Variants in MAGI1 observed in about 807,000 individuals in gnomAD.
The protein encoded by MAGI1 is membrane-associated guanylate kinase, WW and PDZ domain-containing protein 1.
MAGI1 carries 58 observed loss-of-function variants against 139.9 expected under a neutral mutation model. That is an observed-to-expected ratio of 0.41 (90% CI 0.34 to 0.52). The LOEUF (loss-of-function observed/expected upper bound fraction) is 0.52. MAGI1 is among the 20% of genes least tolerant of loss of function. The probability of loss-of-function intolerance (pLI) is 0.12; values close to 1 mark genes in which losing one functional copy is unlikely to be tolerated. For missense variants in MAGI1, 1,874 were observed against 1,901.6 expected (o/e 0.99, Z 0.27); for synonymous variants, 812 against 737.9 (o/e 1.10, Z -1.63).
intron 1 of MAGI1, among the ~76,000 whole-genome samples, chr3:65,993,649 C>T (rs1252640437): frequency 6.6e-6 from 1 of 152,180 alleles, no homozygotes; most frequent in East Asian, 1.9e-4. Flanking sequence ...TGATCACAAG[C>T]CTGTGAGTTA....
At chr3:65,375,966 A>G (rs949360112) in intron 17 of MAGI1, 21 bp from the exon 18 acceptor site, 1 of 1,595,770 alleles carries the variant, frequency 6.3e-7, no homozygotes, top group Admixed American at 1.7e-5. Context: ...ATTGAGTTTT[A>G]ATTTTTTTAA....
intron 1 of MAGI1, among the ~76,000 whole-genome samples, chr3:65,715,066 A>G (rs2032058316): frequency 6.6e-6 from 1 of 152,098 alleles, no homozygotes; most frequent in African/African-American, 2.4e-5. Context: ...GAATCATACA[A>G]AAAAAGAAGG....
chr3:65,742,103 G>A (rs1302735049), intron 1 of MAGI1, among the ~76,000 whole-genome samples: 1 of 152,234 alleles, frequency 6.6e-6, no homozygotes, highest in African/African-American at 2.4e-5. Flanking sequence ...ATATCAAAAT[G>A]CTTAGAATTC....
At chr3:65,993,647 A>G (rs963166665) in intron 1 of MAGI1, among the ~76,000 whole-genome samples, 5 of 152,186 alleles carry the variant, frequency 3.3e-5, no homozygotes, top group Admixed American at 3.3e-4. Context: ...CTTGATCACA[A>G]GCCTGTGAGT....
intron 1 of MAGI1, among the ~76,000 whole-genome samples, chr3:65,668,087 G>T (rs1170991810): frequency 6.6e-6 from 1 of 152,130 alleles, no homozygotes; most frequent in Non-Finnish European, 1.5e-5. Context: ...GGCTGCTTAG[G>T]TTCTCATCCT....
At chr3:65,978,417 C>T (rs2107243915) in intron 1 of MAGI1, among the ~76,000 whole-genome samples, 1 of 152,204 alleles carries the variant, frequency 6.6e-6, no homozygotes, top group East Asian at 1.9e-4. Flanking sequence ...TGCTGAATCT[C>T]CAGGAGCCTA....
chr3:65,620,434 G>C, intron 2 of MAGI1, among the ~76,000 whole-genome samples: 1 of 152,150 alleles, frequency 6.6e-6, no homozygotes, highest in Admixed American at 6.5e-5. Context: ...AGGAATGCCT[G>C]ACAGTGCAGA....
intron 7 of MAGI1, 54 bp from the exon 8 acceptor site, chr3:65,442,903 G>A: frequency 7.1e-7 from 1 of 1,414,226 alleles, no homozygotes; most frequent in Non-Finnish European, 1.0e-6. Context: ...GAAGAGCCTG[G>A]GTGTTTTCAA....
chr3:65,364,250 A>G (rs1484601928), intron 20 of MAGI1, among the ~76,000 whole-genome samples: 2 of 147,832 alleles, frequency 1.4e-5, no homozygotes, highest in Admixed American at 1.4e-4. Flanking sequence ...ACCTGCTAGT[A>G]TTTTCACACT....
At chr3:65,543,138 A>T (rs2079326772) in intron 2 of MAGI1, among the ~76,000 whole-genome samples, 1 of 152,360 alleles carries the variant, frequency 6.6e-6, no homozygotes, top group South Asian at 2.1e-4. Context: ...TATGTGGCCA[A>T]GAAACATGAA....
At chr3:65,623,615 T>C (rs2083806630) in intron 1 of MAGI1, among the ~76,000 whole-genome samples, 2 of 152,164 alleles carry the variant, frequency 1.3e-5, no homozygotes, top group African/African-American at 4.8e-5. Flanking sequence ...TCACGTGAGC[T>C]ACAAAACTCA....
chr3:65,784,884 T>C (rs185463368), intron 1 of MAGI1, among the ~76,000 whole-genome samples: 1 of 152,262 alleles, frequency 6.6e-6, no homozygotes, highest in African/African-American at 2.4e-5. Context: ...TACAATGCCC[T>C]TTAGATGAAA....
chr3:65,625,270 G>A (rs557932444), intron 1 of MAGI1, among the ~76,000 whole-genome samples: 2 of 152,274 alleles, frequency 1.3e-5, no homozygotes, highest in South Asian at 4.2e-4. Context: ...TTTATTATAT[G>A]TAAGCTATAC....
chr3:65,516,563 C>A (rs2077889697), intron 2 of MAGI1, among the ~76,000 whole-genome samples: 1 of 151,986 alleles, frequency 6.6e-6, no homozygotes, highest in South Asian at 2.1e-4. Flanking sequence ...TCACTATCAC[C>A]ACAACAGAGT....
At chr3:65,357,598 A>G (rs1388162652) in intron 22 of MAGI1, among the ~76,000 whole-genome samples, 1 of 147,008 alleles carries the variant, frequency 6.8e-6, no homozygotes, top group East Asian at 2.1e-4. Context: ...AATTTAGGGT[A>G]TTGATGTGAA....
At chr3:65,370,050 GCTCA>G (rs1941831474) in intron 18 of MAGI1, among the ~76,000 whole-genome samples, 1 of 152,174 alleles carries the variant, frequency 6.6e-6, no homozygotes, top group South Asian at 2.1e-4. Context: ...GAACTGTAAT[GCTCA>G]CTCTTTGTCT....
intron 2 of MAGI1, among the ~76,000 whole-genome samples, chr3:65,526,354 T>A (rs1392813458): frequency 6.6e-6 from 1 of 152,166 alleles, no homozygotes; most frequent in Non-Finnish European, 1.5e-5. Context: ...TGTATTTCAT[T>A]TGAAATTTAA....
intron 1 of MAGI1, among the ~76,000 whole-genome samples, chr3:65,665,122 T>G (rs1483982100): frequency 6.6e-6 from 1 of 152,192 alleles, no homozygotes; most frequent in Non-Finnish European, 1.5e-5. Context: ...AAAGCAAGTG[T>G]TCACCCTTGA....
chr3:65,861,497 C>G (rs2059554920), intron 1 of MAGI1, among the ~76,000 whole-genome samples: 1 of 152,080 alleles, frequency 6.6e-6, no homozygotes, highest in Admixed American at 6.6e-5. Flanking sequence ...TTACTAACAC[C>G]TCTTGTATAT....
Sources: allele counts gnomAD v4.1 joint callset (sites outside exome capture counted in the v4.1 genomes callset), GRCh38; gene constraint gnomAD v4.1.1; transcripts MANE v1.5; gene names NCBI Gene and HGNC (gene_info 2026-07-23, HGNC 2026-07-21).